Variants in AGTPBP1 observed in about 807,000 individuals in gnomAD.
AGTPBP1 encodes the protein cytosolic carboxypeptidase 1.
AGTPBP1 carries 70 observed loss-of-function variants against 143.9 expected under a neutral mutation model. The observed-to-expected ratio is 0.49, with a 90% CI of 0.40 to 0.59. The LOEUF is 0.59. Ranked by LOEUF, AGTPBP1 falls within the 20% of genes least tolerant of loss-of-function variation. AGTPBP1 has a pLI of 0.00. For missense variants in AGTPBP1, 1,229 were observed against 1,464.5 expected, an observed-to-expected ratio of 0.84 and a Z score of 2.62; for synonymous variants, 463 against 500.2, an observed-to-expected ratio of 0.93 and a Z score of 0.99.
chr9:85,624,238 TACAGAG>T (rs898541650), intron 14 of AGTPBP1, among the ~76,000 whole-genome samples: 2 of 152,276 alleles, frequency 1.3e-5, no homozygotes, highest in East Asian at 3.9e-4. Flanking sequence ...TCATCTTCTT[TACAGAG>T]AGTATAACAT....
At chr9:85,610,682 C>G (rs1187203786) in intron 17 of AGTPBP1, among the ~76,000 whole-genome samples, 1 of 152,154 alleles carries the variant, frequency 6.6e-6, no homozygotes, top group Non-Finnish European at 1.5e-5. Context: ...ACTCTCCTAA[C>G]TGATACTACT....
At chr9:85,779,460 T>C in the AGTPBP1 span, among the ~76,000 whole-genome samples, 1 of 152,038 alleles carries the variant, frequency 6.6e-6, no homozygotes, top group Non-Finnish European at 1.5e-5. Context: ...GAGAAAGATG[T>C]AGGCTGGGAG....
chr9:85,784,354 T>C, the AGTPBP1 span, among the ~76,000 whole-genome samples: 9 of 152,340 alleles, frequency 5.9e-5, no homozygotes, highest in Admixed American at 2.0e-4. Context: ...TCTTTTCTTA[T>C]GATCTTTTGA....
At chr9:85,692,463 C>A (rs181596329) in intron 3 of AGTPBP1, among the ~76,000 whole-genome samples, 67 of 151,472 alleles carry the variant, frequency 4.4e-4, no homozygotes, top group Admixed American at 4.0e-3. Context: ...TTAGTAGAGA[C>A]GGGGTTTCAC....
intron 8 of AGTPBP1, among the ~76,000 whole-genome samples, chr9:85,668,444 CAG>C (rs993555275): frequency 6.7e-6 from 1 of 149,388 alleles, no homozygotes; most frequent in Admixed American, 6.7e-5. Context: ...GCCTAGGCAA[CAG>C]AGAGAGACTC....
At chr9:85,685,532 A>G (rs987964942) in intron 3 of AGTPBP1, among the ~76,000 whole-genome samples, 4 of 151,986 alleles carry the variant, frequency 2.6e-5, no homozygotes, top group Admixed American at 1.3e-4. Context: ...AGAATTCTAT[A>G]TCCAGTAAAA....
At chr9:85,551,424 A>G (rs1487854369) in intron 25 of AGTPBP1, among the ~76,000 whole-genome samples, 1 of 152,136 alleles carries the variant, frequency 6.6e-6, no homozygotes, top group Non-Finnish European at 1.5e-5. Flanking sequence ...ATTCTATCTG[A>G]TCACTTCATG....
In AGTPBP1 at chr9:85,646,407, C is replaced by A; in HGVS notation, c.1099G>T (p.Val367Leu). Residue 367 changes from valine to leucine, a missense_variant, in exon 12 of 26, where the codon GTA becomes TTA. By Grantham distance (32) the Val-to-Leu change is conservative. This residue lies in a region of AGTPBP1 where 743 missense variants were observed against 812.2 expected (regional missense o/e 0.91). Coordinates refer to ENST00000357081, the MANE Select transcript of AGTPBP1 (RefSeq NM_001330701.2). ...TCATCGTTGTCATCACTTTCATCTACTACGTCATCCACTATGATACAAAAT... is the reference window on the plus strand; with the variant it reads ...TCATCGTTGTCATCACTTTCATCTAATACGTCATCCACTATGATACAAAAT... ...YSLPPEVDDV[V>L]DESDDNDDID... is the part of the protein sequence containing the mutation. 5 of 1,612,486 alleles carry A rather than the reference C, an allele frequency of 3.1e-6. No homozygotes were observed. Among genetic ancestry groups the A allele is most frequent in the Non-Finnish European group, 4.2e-6 (5 of 1,179,434 alleles).
At chr9:85,734,975 C>A (rs1332828775) in intron 1 of AGTPBP1, among the ~76,000 whole-genome samples, 1 of 152,144 alleles carries the variant, frequency 6.6e-6, no homozygotes, top group Non-Finnish European at 1.5e-5. Flanking sequence ...GCAAAGGTTG[C>A]AGTGAGCTGA....
intron 17 of AGTPBP1, among the ~76,000 whole-genome samples, chr9:85,597,401 T>C (rs1224359462): frequency 6.6e-6 from 1 of 152,076 alleles, no homozygotes; most frequent in East Asian, 1.9e-4. Context: ...TCTTACTACA[T>C]TTAGATAAAT....
At chr9:85,588,165 A>T in intron 21 of AGTPBP1, 133 bp downstream of exon 21, 1 of 698,700 alleles carries the variant, frequency 1.4e-6, no homozygotes, top group Non-Finnish European at 2.2e-6. Context: ...AGTTTATCTT[A>T]ATTTCCCACC....
At chr9:85,569,671 G>C (rs1827336970) in intron 25 of AGTPBP1, among the ~76,000 whole-genome samples, 1 of 152,146 alleles carries the variant, frequency 6.6e-6, no homozygotes, top group African/African-American at 2.4e-5. Flanking sequence ...TACGCTAGTA[G>C]CGTGTCATAT....
At chr9:85,591,578 T>C (rs1186095421) in intron 19 of AGTPBP1, among the ~76,000 whole-genome samples, 1 of 152,220 alleles carries the variant, frequency 6.6e-6, no homozygotes, top group Non-Finnish European at 1.5e-5. Flanking sequence ...TATATATTTA[T>C]GTGCATTCTT....
At chr9:85,688,711 A>G (rs1835653226) in intron 3 of AGTPBP1, among the ~76,000 whole-genome samples, 2 of 152,258 alleles carry the variant, frequency 1.3e-5, no homozygotes, top group Non-Finnish European at 1.5e-5. Flanking sequence ...AATTCACTGT[A>G]CATAAGTAGT....
chr9:85,792,295 C>G, the AGTPBP1 span: 1 of 152,206 alleles, frequency 6.6e-6, no homozygotes, highest in Non-Finnish European at 1.5e-5. Flanking sequence ...GTTCAACTAA[C>G]TGATAATTTT....
intron 25 of AGTPBP1, among the ~76,000 whole-genome samples, chr9:85,565,593 G>C (rs999660614): frequency 1.3e-5 from 2 of 152,186 alleles, no homozygotes; most frequent in Admixed American, 6.5e-5. Context: ...TTAGTAAAAG[G>C]TAAGTGGTCT....
rs1157892039 is a variant in AGTPBP1, at chr9:85,632,778, A to C, written c.1899T>G (p.Ile633Met). The C allele has an allele frequency of 6.2e-7, 1 of 1,614,134 alleles. No individual in the cohort carries two copies. Among genetic ancestry groups the C allele is most frequent in the Admixed American group, 1.7e-5 (1 of 60,012 alleles). ...CTGGGACAGACTTCGTATTTTTCACAATCTCAATATAGAGGTCTGGGTCAT... is the reference window on the plus strand; with the variant it reads ...CTGGGACAGACTTCGTATTTTTCACCATCTCAATATAGAGGTCTGGGTCAT... ...TLHDPDLYIE[I>M]VKNTKSVPEY... The change falls in exon 14 of 26, where the codon ATT becomes ATG. Residue 633 changes from isoleucine (I) to methionine (M), a missense_variant. Ile to Met is a conservative substitution (Grantham distance 10). Around this residue, in one of 2 missense-constraint regions of AGTPBP1, gnomAD observed 743 missense variants for 812.2 expected, o/e 0.91. Coordinates refer to ENST00000357081, the MANE Select transcript of AGTPBP1 (RefSeq NM_001330701.2).
intron 23 of AGTPBP1, among the ~76,000 whole-genome samples, chr9:85,581,807 A>G (rs987854975): frequency 2.0e-5 from 3 of 152,224 alleles, no homozygotes; most frequent in Non-Finnish European, 2.9e-5. Flanking sequence ...CAAATACATG[A>G]TTTAACTTCA....
intron 1 of AGTPBP1, among the ~76,000 whole-genome samples, chr9:85,736,983 G>A (rs1269837754): frequency 6.6e-6 from 1 of 152,228 alleles, no homozygotes; most frequent in African/African-American, 2.4e-5. Flanking sequence ...GTAGGCGCCT[G>A]TAGTCCCAGC....
Sources: gnomAD v4.1 joint callset for allele counts (sites outside exome capture counted in the v4.1 genomes callset) on GRCh38, gnomAD v4.1.1 for gene constraint, gnomAD v4.1.1 regional missense constraint, MANE v1.5 for transcripts, NCBI Gene and HGNC (gene_info 2026-07-23, HGNC 2026-07-21) for gene names.